The following WARS2 variants were observed in gnomAD, a reference collection of about 807,000 sequenced individuals.
WARS2 encodes tryptophanyl tRNA synthetase 2, mitochondrial.
In WARS2, 28 loss-of-function variants were observed where a neutral mutation model predicts 36.5. The ratio of observed to expected loss-of-function variants is 0.77; its 90% CI spans 0.57 to 1.05. WARS2 has a LOEUF of 1.05. WARS2 is among the 50% of genes least tolerant of loss of function. WARS2 has a pLI of 0.00. For synonymous variants in WARS2, 174 were observed against 178.4 expected, an observed-to-expected ratio of 0.98 and a Z score of 0.20; for missense variants, 435 against 456.8, an observed-to-expected ratio of 0.95 and a Z score of 0.44.
chr1:119,114,064 A>G (rs954788347), intron 1 of WARS2, among the ~76,000 whole-genome samples: 1 of 152,194 alleles, frequency 6.6e-6, no homozygotes, highest in African/African-American at 2.4e-5. Context: ...AAACAAACCT[A>G]TAACATAGGC....
At chr1:119,069,867 C>A (rs1350246470) in intron 2 of WARS2, among the ~76,000 whole-genome samples, 1 of 152,118 alleles carries the variant, frequency 6.6e-6, no homozygotes, top group East Asian at 1.9e-4. Context: ...GCCTTGAGGT[C>A]AGCCCCAACT....
chr1:119,111,489 T>A (rs1654633352), intron 1 of WARS2, among the ~76,000 whole-genome samples: 1 of 152,184 alleles, frequency 6.6e-6, no homozygotes, highest in Non-Finnish European at 1.5e-5. Flanking sequence ...AGTAGATTAG[T>A]CTCTGGTAAA....
At chr1:119,139,863 G>A (rs888621242) in intron 1 of WARS2, 5 of 152,086 alleles carry the variant, frequency 3.3e-5, no homozygotes, top group African/African-American at 9.7e-5. Flanking sequence ...TTTTTGCTAT[G>A]AGGGTAAAAT....
chr1:119,116,427 G>C (rs770700721), intron 1 of WARS2, among the ~76,000 whole-genome samples: 4 of 152,160 alleles, frequency 2.6e-5, no homozygotes, highest in Non-Finnish European at 4.4e-5. Flanking sequence ...ACAGTGTCTG[G>C]AGACTCACAT....
At chr1:119,118,413 T>C (rs753856503) in intron 1 of WARS2, among the ~76,000 whole-genome samples, 68 of 151,978 alleles carry the variant, frequency 4.5e-4, no homozygotes, top group Non-Finnish European at 7.6e-4. Context: ...GAACAAAGCC[T>C]CTAAGAAATG....
chr1:119,102,669 C>T (rs1653957467), intron 1 of WARS2, among the ~76,000 whole-genome samples: 1 of 152,130 alleles, frequency 6.6e-6, no homozygotes, highest in African/African-American at 2.4e-5. Context: ...CCCAAATATT[C>T]CTTTAAGAAC....
At chr1:119,072,368 A>C (rs1037286952) in intron 2 of WARS2, among the ~76,000 whole-genome samples, 1 of 152,212 alleles carries the variant, frequency 6.6e-6, no homozygotes, top group Non-Finnish European at 1.5e-5. Context: ...GTTTATAGTC[A>C]CTAACCATCA....
At position 119,045,669 on chromosome 1, in the gene WARS2, A is replaced by T; in HGVS notation, c.349-7T>A. 1 of 1,579,118 alleles carries T rather than the reference A, an allele frequency of 6.3e-7. No individual in the cohort carries two copies. The highest frequency in any genetic ancestry group is 8.6e-7 in the Non-Finnish European group (1 of 1,158,450). ...ATTGTGTGTGTTCAGACACCTAAAG[A>T]AATAAAATAGAACATTAGTAAAGGT... is the stretch of plus-strand genomic sequence containing the variant. On this transcript the variant is annotated splice_polypyrimidine_tract_variant and splice_region_variant and intron_variant, in intron 2 of 5. Coordinates refer to ENST00000235521, the MANE Select transcript of WARS2 (RefSeq NM_015836.4).
intron 1 of WARS2, among the ~76,000 whole-genome samples, chr1:119,121,846 A>G (rs763581737): frequency 2.0e-5 from 3 of 152,190 alleles, no homozygotes; most frequent in Non-Finnish European, 2.9e-5. Flanking sequence ...CCACATATAG[A>G]ATAACGAAAC....
chr1:119,127,804 C>T (rs1043761495), intron 1 of WARS2, among the ~76,000 whole-genome samples: 5 of 152,112 alleles, frequency 3.3e-5, no homozygotes, highest in African/African-American at 1.2e-4. Context: ...CCTGTATTGT[C>T]AATCTCTCTA....
chr1:119,140,388 G>A, intron 1 of WARS2, 167 bp downstream of exon 1: 1 of 498,260 alleles, frequency 2.0e-6, no homozygotes, highest in South Asian at 5.1e-5. Flanking sequence ...TCCTTGCAAC[G>A]TCACTACGCT....
In WARS2 at chr1:119,040,198, A is replaced by C. The variant is rs148964403; in HGVS notation, c.515+2066T>G. 2.3e-3 allele frequency among the ~76,000 whole-genome samples: 346 copies of C among 152,354 alleles called. 1 individual carries two copies. The highest frequency in any genetic ancestry group is 7.7e-3 in the African/African-American group (320 of 41,592). Reference sequence around the variant, plus strand: ...AGCAGAAAAAGTGCTGTAGACCCATAGTCTTGCCCAGATGTTCCAAAGTCA... The same window carrying C: ...AGCAGAAAAAGTGCTGTAGACCCATCGTCTTGCCCAGATGTTCCAAAGTCA... On this transcript the variant is annotated intron_variant, in intron 4 of 5. Coordinates refer to ENST00000235521, the MANE Select transcript of WARS2 (RefSeq NM_015836.4).
At chr1:119,112,304 A>C (rs1465281667) in intron 1 of WARS2, among the ~76,000 whole-genome samples, 1 of 152,192 alleles carries the variant, frequency 6.6e-6, no homozygotes, top group African/African-American at 2.4e-5. Context: ...TTTATTAGAA[A>C]AGTTTACCAT....
chr1:119,113,886 C>T (rs1453881598), intron 1 of WARS2, among the ~76,000 whole-genome samples: 1 of 151,932 alleles, frequency 6.6e-6, no homozygotes, highest in Non-Finnish European at 1.5e-5. Context: ...TTTTCATTTA[C>T]AATAATTAAT....
chr1:119,122,574 G>A (rs1442338208), intron 1 of WARS2, among the ~76,000 whole-genome samples: 2 of 152,078 alleles, frequency 1.3e-5, no homozygotes, highest in Non-Finnish European at 2.9e-5. Context: ...GTCATTATAT[G>A]AAAAAGATAT....
intron 2 of WARS2, among the ~76,000 whole-genome samples, chr1:119,055,761 GGAAA>G (rs1299277918): frequency 1.3e-5 from 2 of 150,430 alleles, no homozygotes; most frequent in Non-Finnish European, 3.0e-5. Context: ...AAGGAAGGAA[GGAAA>G]GAAAGAATAT....
chr1:119,081,645 T>C (rs1276484948), intron 1 of WARS2, among the ~76,000 whole-genome samples: 2 of 152,192 alleles, frequency 1.3e-5, no homozygotes, highest in Non-Finnish European at 2.9e-5. Flanking sequence ...TATTTATTCT[T>C]CTCATTGTAT....
chr1:119,070,806 A>G (rs12567111), intron 2 of WARS2, among the ~76,000 whole-genome samples: 1 of 151,936 alleles, frequency 6.6e-6, no homozygotes, highest in Non-Finnish European at 1.5e-5. Flanking sequence ...TCTGAAAATG[A>G]TATGATTATT....
intron 2 of WARS2, among the ~76,000 whole-genome samples, chr1:119,058,302 TA>T (rs1650015609): frequency 1.4e-5 from 1 of 70,270 alleles, no homozygotes; most frequent in East Asian, 5.8e-4. Flanking sequence ...CTTGATTCCC[TA>T]TTTCTTTTTT....
Sources: gnomAD v4.1 joint callset for allele counts (sites outside exome capture counted in the v4.1 genomes callset) on GRCh38, gnomAD v4.1.1 for gene constraint, MANE v1.5 for transcripts, NCBI Gene and HGNC (gene_info 2026-07-23, HGNC 2026-07-21) for gene names.